NEDD4L: variants seen among roughly 807,000 people sequenced by gnomAD.
NEDD4L encodes NEDD4 like E3 ubiquitin protein ligase.
Under a neutral mutation model 148.9 loss-of-function variants are expected in NEDD4L, and 54 were observed. That is an observed-to-expected ratio of 0.36 (90% CI 0.29 to 0.45). The LOEUF is 0.45. Among genes scored for constraint, NEDD4L ranks in the 20% least tolerant of loss-of-function variants. NEDD4L has a pLI of 1.00. For missense variants in NEDD4L, 856 were observed against 1,233.8 expected (o/e 0.69, Z 4.59); for synonymous variants, 433 against 440.7 (o/e 0.98, Z 0.22).
rs752532899 is a variant in NEDD4L at position 58,370,326 on chromosome 18, T to G, written c.2186-71T>G. 2.4e-5 allele frequency: 23 copies of G among 944,860 alleles called. No homozygotes were observed. The Middle Eastern group carries it at 6.2e-4, about 26-fold the overall frequency. The allele number at this position is 944,860 out of a possible 1,614,324, so 58.5% of individuals were successfully genotyped here. On this transcript the variant is annotated intron_variant, in intron 22 of 30. Transcript: ENST00000400345. ...CATTTACATTGAAAGCAGGTTAATC[T>G]TTTCTTTCATGCTCTGATACATAGC...
intron 19 of NEDD4L, among the ~76,000 whole-genome samples, chr18:58,358,816 T>C (rs2045076505): frequency 6.6e-6 from 1 of 152,202 alleles, no homozygotes; most frequent in South Asian, 2.1e-4. Context: ...TCTTGACTTA[T>C]ACATTATTTA....
chr18:58,140,755 T>A (rs1480800923), intron 1 of NEDD4L, among the ~76,000 whole-genome samples: 4 of 152,262 alleles, frequency 2.6e-5, no homozygotes, highest in African/African-American at 9.6e-5. Flanking sequence ...GTTCTGCTGC[T>A]GAATTAAACC....
At chr18:58,280,159 C>T (rs1278288611) in intron 5 of NEDD4L, among the ~76,000 whole-genome samples, 1 of 152,158 alleles carries the variant, frequency 6.6e-6, no homozygotes, top group East Asian at 1.9e-4. Flanking sequence ...CCTTCTGCCT[C>T]GGCCTCCTGA....
At chr18:58,201,922 C>G (rs577622744) in intron 2 of NEDD4L, among the ~76,000 whole-genome samples, 3 of 152,332 alleles carry the variant, frequency 2.0e-5, no homozygotes, top group Admixed American at 2.0e-4. Context: ...GACGGAAGTT[C>G]ATTCAGTCAG....
At chr18:58,143,787 C>T (rs1375794697) in intron 1 of NEDD4L, among the ~76,000 whole-genome samples, 2 of 151,976 alleles carry the variant, frequency 1.3e-5, no homozygotes, top group Non-Finnish European at 2.9e-5. Context: ...CCACAGCTGT[C>T]GAAGGAAGGG....
At chr18:58,371,156 C>A (rs1435834301) in intron 23 of NEDD4L, among the ~76,000 whole-genome samples, 3 of 151,552 alleles carry the variant, frequency 2.0e-5, no homozygotes, top group Non-Finnish European at 4.4e-5. Flanking sequence ...CCTGCCTCAG[C>A]CTCTCAGATA....
chr18:58,045,571 T>A (rs141810282), intron 1 of NEDD4L: 2 of 154,182 alleles, frequency 1.3e-5, no homozygotes, highest in African/African-American at 2.4e-5. Context: ...TCCTGCTAAA[T>A]CACTGCCTAG....
At chr18:58,364,475 C>A in intron 20 of NEDD4L, 142 bp downstream of exon 20, 2 of 587,428 alleles carry the variant, frequency 3.4e-6, no homozygotes, top group Non-Finnish European at 6.0e-6. Flanking sequence ...CTTTGATCCT[C>A]CTGGTTCTAA....
At chr18:58,373,330 C>T (rs527237939) in intron 24 of NEDD4L, 61 bp downstream of exon 24, 14 of 925,754 alleles carry the variant, frequency 1.5e-5, no homozygotes, top group African/African-American at 6.6e-5. Context: ...TTCTTCTTGA[C>T]GGGCTGTAAC....
chr18:58,168,889 T>A (rs2037201647), intron 2 of NEDD4L, among the ~76,000 whole-genome samples: 1 of 152,212 alleles, frequency 6.6e-6, no homozygotes, highest in Admixed American at 6.5e-5. Flanking sequence ...CCTGGGCCAC[T>A]TGGCCTGAGG....
intron 2 of NEDD4L, among the ~76,000 whole-genome samples, chr18:58,243,607 G>C (rs1348319332): frequency 1.3e-5 from 2 of 152,116 alleles, no homozygotes; most frequent in African/African-American, 4.8e-5. Flanking sequence ...CACTCCCCTG[G>C]AAAGTGACGC....
At position 58,396,438 on chromosome 18, in the gene NEDD4L, C is replaced by T. The variant is rs2050496632; in HGVS notation, c.*169C>T. 1.9e-6 allele frequency: 1 copy of T among 539,764 alleles called. No homozygotes were observed. The highest frequency in any genetic ancestry group is 1.9e-5 in the African/African-American group (1 of 52,582). The allele number at this position is 539,764 out of a possible 1,614,324, so 33.4% of individuals were successfully genotyped here. A position where few individuals can be genotyped will look rare whatever the true frequency, so the allele number is the denominator to read the frequency against. ...CAAGTTCGGATGCGGGAACCTGGTC[C>T]CAGCTTGAGTTCCTGCCTTTCCCAC... On this transcript the variant is annotated 3_prime_UTR_variant, in exon 31 of 31. Transcript: ENST00000400345.
At chr18:58,269,430 A>C (rs2050705971) in intron 5 of NEDD4L, among the ~76,000 whole-genome samples, 5 of 152,084 alleles carry the variant, frequency 3.3e-5, no homozygotes, top group Admixed American at 3.3e-4. Flanking sequence ...CCTTGTGCTC[A>C]ACACAAGTCT....
intron 2 of NEDD4L, among the ~76,000 whole-genome samples, chr18:58,205,980 A>G (rs1191220057): frequency 1.3e-5 from 2 of 152,198 alleles, no homozygotes; most frequent in African/African-American, 4.8e-5. Context: ...GATCCAGTTC[A>G]GATACCACCT....
intron 5 of NEDD4L, among the ~76,000 whole-genome samples, chr18:58,264,591 G>C (rs774455492): frequency 6.6e-6 from 1 of 152,066 alleles, no homozygotes; most frequent in Non-Finnish European, 1.5e-5. Flanking sequence ...CATGCATACA[G>C]TGTGTAATGA....
At chr18:58,368,794 T>G (rs2046436337) in intron 22 of NEDD4L, among the ~76,000 whole-genome samples, 1 of 151,604 alleles carries the variant, frequency 6.6e-6, no homozygotes, top group Admixed American at 6.6e-5. Context: ...CTTTTTTTCC[T>G]CTAGAAGGAA....
chr18:58,245,422 T>A lies in NEDD4L; in HGVS notation c.123-5T>A. 1 of 1,442,718 alleles carries A rather than the reference T, an allele frequency of 6.9e-7. No individual in the cohort carries two copies. The highest frequency in any genetic ancestry group is 9.6e-7 in the Non-Finnish European group (1 of 1,041,734). The allele number at this position is 1,442,718 out of a possible 1,614,324, so 89.4% of individuals were successfully genotyped here. ...TCCTATTAAATCTAAAATATTTTCT[T>A]ACAGTGATCCGTATGTGAAACTTTC... On this transcript the variant is annotated splice_region_variant and splice_polypyrimidine_tract_variant and intron_variant, in intron 2 of 30. Coordinates refer to ENST00000400345, the MANE Select transcript of NEDD4L (RefSeq NM_001144967.3).
intron 5 of NEDD4L, among the ~76,000 whole-genome samples, chr18:58,286,751 T>C (rs1221998892): frequency 6.6e-6 from 1 of 152,228 alleles, no homozygotes; most frequent in Non-Finnish European, 1.5e-5. Context: ...TGTGGATAAT[T>C]GAATTTAATT....
At chr18:58,343,215 G>A in intron 16 of NEDD4L, 112 bp downstream of exon 16, 1 of 963,556 alleles carries the variant, frequency 1.0e-6, no homozygotes, top group Non-Finnish European at 1.5e-6. Flanking sequence ...ACTGTAAAGG[G>A]TGTCTCCAGA....
Sources: allele counts gnomAD v4.1 joint callset (sites outside exome capture counted in the v4.1 genomes callset), GRCh38; gene constraint gnomAD v4.1.1; transcripts MANE v1.5; gene names NCBI Gene and HGNC (gene_info 2026-07-23, HGNC 2026-07-21).